USP34: variants seen among roughly 807,000 people sequenced by gnomAD.
The protein encoded by USP34 is ubiquitin specific peptidase 34.
Under a neutral mutation model 460.3 loss-of-function variants are expected in USP34, and 70 were observed. The observed-to-expected ratio is 0.15, with a 90% confidence interval of 0.13 to 0.19. The LOEUF is 0.19. Among genes scored for constraint, USP34 ranks in the 10% least tolerant of loss-of-function variants. The pLI is 1.00. For missense variants in USP34, 3,985 were observed against 4,236.2 expected (o/e 0.94, Z 1.65); for synonymous variants, 1,647 against 1,405.3 (o/e 1.17, Z -3.85).
chr2:61,262,126 TATATATAGATAG>T (rs1268503859), intron 43 of USP34, among the ~76,000 whole-genome samples: 18 of 126,750 alleles, frequency 1.4e-4, no homozygotes, highest in African/African-American at 5.2e-4. Context: ...AATATATATA[TATATATAGATAG>T]ATAGATAGAT....
At chr2:61,248,963 A>G (rs181549962) in intron 48 of USP34, among the ~76,000 whole-genome samples, 1 of 152,370 alleles carries the variant, frequency 6.6e-6, no homozygotes, top group Admixed American at 6.5e-5. Context: ...AGTATTAATA[A>G]AATACAACAA....
chr2:61,384,721 A>C (rs1456282432), intron 5 of USP34, among the ~76,000 whole-genome samples: 1 of 152,134 alleles, frequency 6.6e-6, no homozygotes, highest in Non-Finnish European at 1.5e-5. Context: ...GGAATTCAGA[A>C]TGTAGGGATT....
Position 61,415,662 on chromosome 2 carries a change from G to A in USP34, c.131+5084C>T, listed in dbSNP as rs192147648. The stretch of plus-strand genomic sequence containing the variant: ...CAACAGAAAGGAGGGTGAGGAGACA[G>A]GGGACACAGGGACTTTATTATAGGC... On this transcript the variant is annotated intron_variant, in intron 2 of 79. Coordinates refer to ENST00000398571, the MANE Select transcript of USP34 (RefSeq NM_014709.4). Among the ~76,000 whole-genome samples the A allele has an allele frequency of 3.0e-4, 45 of 152,294 alleles. 1 individual carries two copies. The South Asian group carries it at 8.7e-3, about 29-fold the overall frequency.
Position 61,349,844 on chromosome 2 carries a change from A to AAACAAC in USP34, c.1507+410_1507+415dup, listed in dbSNP as rs143680445. ...TGACAGACCGAGGCTCCGTCTCAAA[A>AAACAAC]AACAACAACAACAACAACAACAACA... is the stretch of plus-strand genomic sequence containing the variant. On this transcript the variant is annotated intron_variant, in intron 12 of 79. Coordinates refer to ENST00000398571, the MANE Select transcript of USP34 (RefSeq NM_014709.4). 2.1e-3 allele frequency among the ~76,000 whole-genome samples: 311 copies of AAACAAC among 148,942 alleles called. 2 individuals carry two copies. Among genetic ancestry groups the AAACAAC allele is most frequent in the African/African-American group, 6.6e-3 (269 of 40,740 alleles).
rs1691253852 is a variant in USP34, at chr2:61,331,280, C to T, written c.2926G>A (p.Ala976Thr). The T allele has an allele frequency of 1.2e-6, 2 of 1,610,738 alleles. No homozygotes were observed. Among genetic ancestry groups the T allele is most frequent in the South Asian group, 2.2e-5 (2 of 90,644 alleles). Residue 976 changes from alanine to threonine, a missense_variant, in exon 20 of 80, where the codon GCA (alanine) becomes ACA (threonine). Ala to Thr is a moderately conservative substitution (Grantham distance 58). Transcript: ENST00000398571. ...ACCCAGTTGAGAGGTACTTACAGTGCATGTTTTTGTCTTCCTTCTCTCACA... is the reference window on the plus strand; with the variant it reads ...ACCCAGTTGAGAGGTACTTACAGTGTATGTTTTTGTCTTCCTTCTCTCACA... ...QTVREGRQKH[A>T]LYSHSAEVQV...
intron 5 of USP34, among the ~76,000 whole-genome samples, chr2:61,385,336 T>C (rs531206933): frequency 5.3e-4 from 80 of 152,206 alleles, no homozygotes; most frequent in South Asian, 1.5e-3. Context: ...GCAGAACTTA[T>C]GAAACTCATT....
Position 61,188,949 on chromosome 2 carries a change from A to G in USP34, c.9994T>C (p.Ser3332Pro). 1.9e-6 allele frequency: 3 copies of G among 1,614,146 alleles called. No individual in the cohort carries two copies. The highest frequency in any genetic ancestry group is 1.1e-5 in the South Asian group (1 of 91,080). ...TCTTTGGCTTCTTGCTCTTGGAGTG[A>G]GTTTCTCTGTTGCAGACAAGTCCTG... ...KCRTCLQQRN[S>P]LQEQEAKERK... The change falls in exon 79 of 80, where the codon TCA (serine) becomes CCA (proline). Residue 3332 changes from serine to proline, a missense_variant. This residue lies in a region of USP34 where 506 missense variants were observed against 439.0 expected (regional missense o/e 1.15). Transcript: ENST00000398571.
At chr2:61,375,518 C>T (rs920495341) in intron 8 of USP34, among the ~76,000 whole-genome samples, 3 of 151,912 alleles carry the variant, frequency 2.0e-5, no homozygotes, top group Non-Finnish European at 4.4e-5. Context: ...GCCTGTAATC[C>T]CAGCACTTTG....
intron 8 of USP34, among the ~76,000 whole-genome samples, chr2:61,375,085 C>G (rs1403304527): frequency 1.3e-5 from 2 of 152,046 alleles, no homozygotes; most frequent in African/African-American, 2.4e-5. Context: ...ACCAAGAATC[C>G]AATTAAAAAC....
At chr2:61,245,394 A>T (rs1688392672) in intron 50 of USP34, 106 bp from the exon 51 acceptor site, 1 of 565,012 alleles carries the variant, frequency 1.8e-6, no homozygotes, top group Admixed American at 3.5e-5. Flanking sequence ...AAATTATTTC[A>T]TGAGGTAAAT....
chr2:61,357,953 G>A (rs1056427301), intron 10 of USP34, among the ~76,000 whole-genome samples: 3 of 152,112 alleles, frequency 2.0e-5, no homozygotes. Context: ...CACTTTGGGA[G>A]GCCAAGGCAG....
At chr2:61,230,671 C>T (rs747899453) in intron 58 of USP34, among the ~76,000 whole-genome samples, 11 of 151,832 alleles carry the variant, frequency 7.2e-5, no homozygotes, top group East Asian at 1.9e-4. Flanking sequence ...GGTGAAATCC[C>T]GTCTCTACTA....
At chr2:61,326,053 G>T (rs1176647706) in intron 20 of USP34, among the ~76,000 whole-genome samples, 1 of 152,156 alleles carries the variant, frequency 6.6e-6, no homozygotes, top group Non-Finnish European at 1.5e-5. Flanking sequence ...TAGGAGATGA[G>T]TCTGAATAGA....
In USP34 at chr2:61,401,719, T is replaced by TC. The variant is rs1658704477; in HGVS notation, c.552+3988_552+3989insG. Among the ~76,000 whole-genome samples the TC allele has an allele frequency of 2.0e-5, 3 of 149,748 alleles. No homozygotes were observed. In the South Asian group the frequency reaches 6.4e-4, roughly 32 times the overall value. Reference sequence around the variant, plus strand: ...ACCCGCTACCACGCCCTGCTAATTTTTTTTTTTTTTTTGTATTTTTAGTAG... The same window carrying TC: ...ACCCGCTACCACGCCCTGCTAATTTTCTTTTTTTTTTTTGTATTTTTAGTAG... On this transcript the variant is annotated intron_variant, in intron 3 of 79. Coordinates refer to ENST00000398571, the MANE Select transcript of USP34 (RefSeq NM_014709.4).
rs202171135 is a variant in USP34 at position 61,382,941 on chromosome 2, G to T, written c.821+328C>A. On this transcript the variant is annotated intron_variant, in intron 6 of 79. Transcript: ENST00000398571. ...ACAAGAGCAGAGATTTTTGCAATTT[G>T]TTTTCTTCTCTGCTATATCCTCAGT... Among the ~76,000 whole-genome samples the T allele has an allele frequency of 3.4e-4, 52 of 152,082 alleles. No individual in the cohort carries two copies. The East Asian group carries it at 9.8e-3, about 29-fold the overall frequency.
rs150219621 is a variant in USP34 at position 61,277,063 on chromosome 2, G to A, written c.5433+1102C>T. On this transcript the variant is annotated intron_variant, in intron 41 of 79. Transcript: ENST00000398571. ...ACATTTGTTGGTTCAGAGTCACGAA[G>A]TGTTTCCAATATTCAGAGATAGATT... is the stretch of plus-strand genomic sequence containing the variant. Among the ~76,000 whole-genome samples, 30 of 152,234 alleles carry A rather than the reference G, an allele frequency of 2.0e-4. 1 individual carries two copies. Among genetic ancestry groups the A allele is most frequent in the African/African-American group, 7.0e-4 (29 of 41,544 alleles).
Position 61,202,665 on chromosome 2 carries a change from G to C in USP34, c.9508+475C>G, listed in dbSNP as rs140286830. Reference sequence around the variant, plus strand: ...TTCTTCTCACTCACCTATTTTATGAGACTTACCTCCTAATTACTCATATAT... The same window carrying C: ...TTCTTCTCACTCACCTATTTTATGACACTTACCTCCTAATTACTCATATAT... On this transcript the variant is annotated intron_variant, in intron 75 of 79. Coordinates refer to ENST00000398571, the MANE Select transcript of USP34 (RefSeq NM_014709.4). Among the ~76,000 whole-genome samples, 509 of 152,116 alleles carry C rather than the reference G, an allele frequency of 3.3e-3. 2 individuals carry two copies. Among genetic ancestry groups the C allele is most frequent in the African/African-American group, 0.011 (437 of 41,474 alleles).
At chr2:61,469,472 T>C (rs1278878119) in intron 1 of USP34, among the ~76,000 whole-genome samples, 1 of 152,208 alleles carries the variant, frequency 6.6e-6, no homozygotes, top group Non-Finnish European at 1.5e-5. Context: ...CTGGAACCTC[T>C]AGTTGGAATA....
chr2:61,254,916 T>C (rs908267400), intron 48 of USP34, among the ~76,000 whole-genome samples: 1 of 152,232 alleles, frequency 6.6e-6, no homozygotes, highest in Non-Finnish European at 1.5e-5. Flanking sequence ...GGCACAATCA[T>C]GGCTCACTGT....
Sources: gnomAD v4.1 joint callset for allele counts (sites outside exome capture counted in the v4.1 genomes callset) on GRCh38, gnomAD v4.1.1 for gene constraint, gnomAD v4.1.1 regional missense constraint, MANE v1.5 for transcripts, NCBI Gene and HGNC (gene_info 2026-07-23, HGNC 2026-07-21) for gene names.